PTPRN2: variants seen among roughly 807,000 people sequenced by gnomAD.
PTPRN2 encodes the protein receptor-type tyrosine-protein phosphatase N2.
Under a neutral mutation model 118.8 loss-of-function variants are expected in PTPRN2, and 74 were observed. That is an observed-to-expected ratio of 0.62 (90% CI 0.52 to 0.76). The LOEUF is 0.76. Among genes scored for constraint, PTPRN2 ranks in the 30% least tolerant of loss-of-function variants. The pLI, the probability that PTPRN2 is intolerant of heterozygous loss-of-function variation, is 0.00. For missense variants in PTPRN2, 1,481 were observed against 1,394.4 expected, an observed-to-expected ratio of 1.06 and a Z score of -0.99; for synonymous variants, 641 against 608.0, an observed-to-expected ratio of 1.05 and a Z score of -0.80.
chr7:158,225,568 T>C (rs1828705029), intron 3 of PTPRN2, among the ~76,000 whole-genome samples: 1 of 152,232 alleles, frequency 6.6e-6, no homozygotes. Context: ...ACAGCACCCA[T>C]CTTCCTCAAG....
At chr7:158,473,203 C>T (rs1321421823) in intron 2 of PTPRN2, among the ~76,000 whole-genome samples, 5 of 152,220 alleles carry the variant, frequency 3.3e-5, no homozygotes, top group Admixed American at 2.0e-4. Context: ...TTTCCTATCT[C>T]CTCCAATCCT....
intron 21 of PTPRN2, among the ~76,000 whole-genome samples, chr7:157,566,116 C>T (rs926642936): frequency 1.3e-5 from 2 of 152,256 alleles, no homozygotes; most frequent in African/African-American, 4.8e-5. Flanking sequence ...AAGTGCTGCT[C>T]TGCTGTCTGC....
chr7:158,341,263 T>C (rs866663113), intron 2 of PTPRN2, among the ~76,000 whole-genome samples: 229 of 111,716 alleles, frequency 2.0e-3, no homozygotes, highest in African/African-American at 4.5e-3. Context: ...GCAGACGTCA[T>C]TCACACCCAC....
chr7:158,200,708 T>C (rs1826577811), intron 4 of PTPRN2, among the ~76,000 whole-genome samples: 1 of 152,198 alleles, frequency 6.6e-6, no homozygotes, highest in South Asian at 2.1e-4. Context: ...CAAAGTCACA[T>C]TCTGACTAAA....
intron 17 of PTPRN2, among the ~76,000 whole-genome samples, chr7:157,589,540 TCGTCTTCCTTCCTGATATTCAGC>T (rs1254957827): frequency 6.6e-6 from 1 of 152,160 alleles, no homozygotes. Flanking sequence ...CCTCCTCCTC[TCGTCTTCCTTCCTGATATTCAGC>T]CTCCTCCCTA....
rs1256423881 is a variant in PTPRN2, at chr7:158,488,049, G to A, written c.163+1686C>T. On this transcript the variant is annotated intron_variant, in intron 2 of 22. Coordinates refer to ENST00000389418, the MANE Select transcript of PTPRN2 (RefSeq NM_002847.5). ...AAAATGTCTGAGAATGATCACAGTC[G>A]GACACCCAGGCCGGCCTTTGTCAAG... Among the ~76,000 whole-genome samples the A allele has an allele frequency of 3.3e-5, 5 of 152,200 alleles. No individual in the cohort carries two copies. The East Asian group carries it at 9.7e-4, about 29-fold the overall frequency.
At position 158,071,409 on chromosome 7, in the gene PTPRN2, TTGCTCCTGGTGGTGGAGG is replaced by T. The variant is rs1563391141; in HGVS notation, c.1723+9871_1723+9888del. 9.3e-3 allele frequency among the ~76,000 whole-genome samples: 103 copies of T among 11,104 alleles called. 6 individuals carry two copies. The highest frequency in any genetic ancestry group is 0.032 in the African/African-American group (92 of 2,886). The allele number at this position is 11,104 out of a possible 152,430, so 7.3% of individuals were successfully genotyped here. ...CGTGGTGGAGGTGCTCGTGGTGGAG[TTGCTCCTGGTGGTGGAGG>T]TGCTCGTGGTGGTGGAGGTGCTCGT... On this transcript the variant is annotated intron_variant, in intron 11 of 22. Transcript: ENST00000389418.
At chr7:157,649,706 C>T (rs1805496151) in intron 14 of PTPRN2, among the ~76,000 whole-genome samples, 1 of 148,082 alleles carries the variant, frequency 6.8e-6, no homozygotes, top group Non-Finnish European at 1.5e-5. Flanking sequence ...TCACTGTGCA[C>T]TGAACTCGGT....
chr7:157,909,213 C>T (rs557215849), intron 11 of PTPRN2, among the ~76,000 whole-genome samples: 12 of 152,246 alleles, frequency 7.9e-5, no homozygotes, highest in African/African-American at 2.6e-4. Context: ...GCTTTATGCA[C>T]ATTTGAATAA....
At chr7:157,810,170 C>T (rs1805900387) in intron 12 of PTPRN2, among the ~76,000 whole-genome samples, 1 of 152,246 alleles carries the variant, frequency 6.6e-6, no homozygotes, top group African/African-American at 2.4e-5. Flanking sequence ...CACTGCAGTT[C>T]CACCTTCATC....
At chr7:158,338,278 C>T (rs142965787) in intron 2 of PTPRN2, among the ~76,000 whole-genome samples, 3 of 47,924 alleles carry the variant, frequency 6.3e-5, no homozygotes, top group Admixed American at 2.1e-4. Context: ...ACCATAAGCG[C>T]TGACACCTGC....
At chr7:158,386,764 A>G (rs559874044) in intron 2 of PTPRN2, among the ~76,000 whole-genome samples, 3 of 152,352 alleles carry the variant, frequency 2.0e-5, no homozygotes, top group South Asian at 2.1e-4. Flanking sequence ...AGCCCTTCAC[A>G]GGCTCCTACT....
intron 11 of PTPRN2, among the ~76,000 whole-genome samples, chr7:158,080,746 T>C (rs1812758017): frequency 6.6e-6 from 1 of 152,172 alleles, no homozygotes; most frequent in African/African-American, 2.4e-5. Context: ...ATCTCAAAAA[T>C]GTGTGATTCG....
At chr7:157,907,113 G>A (rs908390699) in intron 11 of PTPRN2, among the ~76,000 whole-genome samples, 1 of 152,208 alleles carries the variant, frequency 6.6e-6, no homozygotes, top group African/African-American at 2.4e-5. Flanking sequence ...ACAGCCAAGG[G>A]GGCGGGAAGA....
intron 12 of PTPRN2, among the ~76,000 whole-genome samples, chr7:157,820,575 C>G (rs1806771196): frequency 6.6e-6 from 1 of 151,310 alleles, no homozygotes; most frequent in Non-Finnish European, 1.5e-5. Context: ...CTCATACATG[C>G]ACTCACAGCA....
At chr7:158,139,671 T>A (rs918874974) in intron 6 of PTPRN2, among the ~76,000 whole-genome samples, 1 of 149,298 alleles carries the variant, frequency 6.7e-6, no homozygotes, top group African/African-American at 2.5e-5. Flanking sequence ...AGAAGATTCC[T>A]GGAAAGCAGC....
At chr7:158,581,256 A>G (rs892130974) in intron 1 of PTPRN2, among the ~76,000 whole-genome samples, 1 of 151,964 alleles carries the variant, frequency 6.6e-6, no homozygotes, top group African/African-American at 2.4e-5. Flanking sequence ...TTCCTTAACC[A>G]CTCCAAGACT....
intron 1 of PTPRN2, among the ~76,000 whole-genome samples, chr7:158,514,316 G>C (rs986433286): frequency 6.6e-6 from 1 of 152,216 alleles, no homozygotes; most frequent in Non-Finnish European, 1.5e-5. Context: ...GGAGCGGCTG[G>C]AGAGAGGGAG....
In PTPRN2 at chr7:157,960,283, C is replaced by G. The variant is rs1801441536; in HGVS notation, c.1724-61546G>C. Among the ~76,000 whole-genome samples, 3 of 152,148 alleles carry G rather than the reference C, an allele frequency of 2.0e-5. No individual in the cohort carries two copies. The South Asian group carries it at 6.2e-4, about 32-fold the overall frequency. ...ATGGTTGCATGACACTGTGAATGTA[C>G]TTAATGCCACTGAATTGTACAGGTG... On this transcript the variant is annotated intron_variant, in intron 11 of 22. Coordinates refer to ENST00000389418, the MANE Select transcript of PTPRN2 (RefSeq NM_002847.5).
Sources: allele counts gnomAD v4.1 joint callset (sites outside exome capture counted in the v4.1 genomes callset), GRCh38; gene constraint gnomAD v4.1.1; transcripts MANE v1.5; gene names NCBI Gene and HGNC (gene_info 2026-07-23, HGNC 2026-07-21).